CADM3: variants seen among roughly 807,000 people sequenced by gnomAD.
CADM3 encodes cell adhesion molecule 3.
In CADM3, 11 loss-of-function variants were observed where a neutral mutation model predicts 44.9. That is an observed-to-expected ratio of 0.25 (90% CI 0.15 to 0.41). The LOEUF (loss-of-function observed/expected upper bound fraction) is 0.41. CADM3 is among the 10% of genes least tolerant of loss of function. The pLI is 1.00. For missense variants in CADM3, 426 were observed against 512.0 expected, an observed-to-expected ratio of 0.83 and a Z score of 1.62; for synonymous variants, 207 against 205.2, an observed-to-expected ratio of 1.01 and a Z score of -0.08.
At chr1:159,181,093 T>C (rs1412566755) in intron 1 of CADM3, among the ~76,000 whole-genome samples, 1 of 152,182 alleles carries the variant, frequency 6.6e-6, no homozygotes, top group African/African-American at 2.4e-5. Flanking sequence ...ATTCCCAGTC[T>C]CTATTTTCCC....
At chr1:159,178,001 G>A (rs1649091153) in intron 1 of CADM3, among the ~76,000 whole-genome samples, 1 of 152,202 alleles carries the variant, frequency 6.6e-6, no homozygotes, top group Admixed American at 6.5e-5. Context: ...ACAAGTCCTT[G>A]ATATCAAATG....
chr1:159,196,338 C>T (rs538364397), intron 5 of CADM3, 26 bp from the exon 6 acceptor site: 10 of 1,584,938 alleles, frequency 6.3e-6, no homozygotes, highest in African/African-American at 1.3e-5. Context: ...GGGAGGTATT[C>T]ATTGATACCA....
In CADM3 at chr1:159,193,931, G is replaced by C; in HGVS notation, c.582G>C (p.Val194=). Residue 194 remains valine, a synonymous_variant, in exon 5 of 9, where the codon GTG becomes GTC. Transcript: ENST00000368125. ...AAACCTTCACTGTCAGCAGCTCGGT[G>C]ACATTCCAGGTTACCCGGGAGGATG... ...NGKTFTVSSS[V]TFQVTREDDG... is the part of the protein sequence containing the mutation. 6.2e-7 allele frequency: 1 copy of C among 1,614,232 alleles called. No individual in the cohort carries two copies. The highest frequency in any genetic ancestry group is 8.5e-7 in the Non-Finnish European group (1 of 1,180,038).
At chr1:159,193,368 G>A in intron 3 of CADM3, 55 bp from the exon 4 acceptor site, 1 of 1,534,726 alleles carries the variant, frequency 6.5e-7, no homozygotes, top group African/African-American at 1.4e-5. Context: ...GAGAGCAGAA[G>A]TGTGACCCCA....
At chr1:159,190,390 G>A (rs1649606045) in intron 1 of CADM3, among the ~76,000 whole-genome samples, 1 of 152,162 alleles carries the variant, frequency 6.6e-6, no homozygotes, top group Non-Finnish European at 1.5e-5. Flanking sequence ...TCAATGTAAA[G>A]GGCACCTTAT....
At chr1:159,189,901 GTCCCTCAGT>G (rs1346058337) in intron 1 of CADM3, 5 of 1,490,862 alleles carry the variant, frequency 3.4e-6, no homozygotes, top group Non-Finnish European at 2.8e-6. Flanking sequence ...TCATCTCAAT[GTCCCTCAGT>G]TCCCTCACTC....
At chr1:159,196,732 G>A (rs1328292448) in intron 6 of CADM3, 159 bp from the exon 7 acceptor site, 1 of 724,536 alleles carries the variant, frequency 1.4e-6, no homozygotes, top group South Asian at 2.0e-5. Context: ...AACCCCAAGA[G>A]GCCACCTGGC....
At chr1:159,191,632 A>G (rs1039756639) in intron 1 of CADM3, among the ~76,000 whole-genome samples, 2 of 152,208 alleles carry the variant, frequency 1.3e-5, no homozygotes, top group African/African-American at 4.8e-5. Context: ...GTGGAGTGGT[A>G]TGTGCAGATT....
intron 1 of CADM3, among the ~76,000 whole-genome samples, chr1:159,183,126 C>T (rs1325875988): frequency 2.6e-5 from 4 of 152,132 alleles, no homozygotes; most frequent in African/African-American, 9.7e-5. Context: ...AATAATAAAC[C>T]TGTTTGAGCC....
rs1192472495 is a variant in CADM3 at position 159,203,250 on chromosome 1, G to A, written c.*2328G>A. 2 of 152,256 alleles carry A rather than the reference G, an allele frequency of 1.3e-5. No individual in the cohort carries two copies. Among genetic ancestry groups the A allele is most frequent in the African/African-American group, 4.8e-5 (2 of 41,404 alleles). 9.4% of individuals were successfully genotyped at this position (152,256 alleles called of 1,614,324 possible). ...GGTGCCTGGTGCCTCAAAAGGTGGT[G>A]TGTCCCTTGCCAGGCCACTCTCAAG... On this transcript the variant is annotated 3_prime_UTR_variant, in exon 9 of 9. Transcript: ENST00000368125.
At position 159,178,763 on chromosome 1, in the gene CADM3, G is replaced by A. The variant is rs1435514060; in HGVS notation, c.88+6910G>A. 3.3e-5 allele frequency among the ~76,000 whole-genome samples: 5 copies of A among 152,174 alleles called. No individual in the cohort carries two copies. In the East Asian group the frequency reaches 5.8e-4, roughly 18 times the overall value. On this transcript the variant is annotated intron_variant, in intron 1 of 8. Coordinates refer to ENST00000368125, the MANE Select transcript of CADM3 (RefSeq NM_001127173.3). ...ATGATATCAAACGGCGTAGGGAGCTGAGAGTGCTCAGCCCGTCAGTCTTAG... is the reference window on the plus strand; with the variant it reads ...ATGATATCAAACGGCGTAGGGAGCTAAGAGTGCTCAGCCCGTCAGTCTTAG...
At position 159,196,864 on chromosome 1, in the gene CADM3, G is replaced by A. The variant is rs1002791274; in HGVS notation, c.783-27G>A. On this transcript the variant is annotated intron_variant, in intron 6 of 8. Coordinates refer to ENST00000368125, the MANE Select transcript of CADM3 (RefSeq NM_001127173.3). ...AGCTCCCTGGCCTATGCTCTCCTGA[G>A]CTCTTCTGATTTGTCTGCCTCGACA... 6 of 1,609,882 alleles carry A rather than the reference G, an allele frequency of 3.7e-6. No individual in the cohort carries two copies. The Admixed American group carries it at 6.7e-5, about 18-fold the overall frequency.
intron 5 of CADM3, 94 bp downstream of exon 5, chr1:159,194,134 A>G (rs1298895921): frequency 3.0e-6 from 4 of 1,329,558 alleles, no homozygotes; most frequent in Non-Finnish European, 4.2e-6. Flanking sequence ...AACAACACGC[A>G]CAGTTAAGTG....
chr1:159,193,246 C>T (rs1157146421), intron 3 of CADM3, among the ~76,000 whole-genome samples, 177 bp from the exon 4 acceptor site: 1 of 152,212 alleles, frequency 6.6e-6, no homozygotes, highest in African/African-American at 2.4e-5. Context: ...TCCCGCAGGC[C>T]TTCCTTTCTG....
rs1649934274 is a variant in CADM3 at position 159,197,065 on chromosome 1, G to A, written c.952+5G>A. ...ACTACACCCTCAATGTTAATGGTAA[G>A]CCCTCCTCAGTTCTCTTCCTCCAGA... is the stretch of plus-strand genomic sequence containing the variant. On this transcript the variant is annotated splice_donor_5th_base_variant and intron_variant, in intron 7 of 8. Coordinates refer to ENST00000368125, the MANE Select transcript of CADM3 (RefSeq NM_001127173.3). The A allele has an allele frequency of 6.2e-7, 1 of 1,613,426 alleles. No individual in the cohort carries two copies. Among genetic ancestry groups the A allele is most frequent in the Non-Finnish European group, 8.5e-7 (1 of 1,179,458 alleles).
intron 1 of CADM3, among the ~76,000 whole-genome samples, chr1:159,182,037 T>C (rs1006122837): frequency 6.0e-5 from 9 of 150,838 alleles, no homozygotes; most frequent in Admixed American, 2.6e-4. Context: ...ACCTTGCAGA[T>C]GCCAGCAAGC....
intron 5 of CADM3, 90 bp from the exon 6 acceptor site, chr1:159,196,274 T>G: frequency 1.1e-6 from 1 of 945,676 alleles, no homozygotes; most frequent in Admixed American, 2.0e-5. Context: ...CGGAAACATT[T>G]AGAGGTAGAA....
chr1:159,189,803 A>T lies in CADM3; in HGVS notation c.89-2133A>T, dbSNP rs1377139705. ...GCAGGAGCAGGATTTGGAGCTGGGAACTCTGGCTCCACTCGACGAGGCCAT... is the reference window on the plus strand; with the variant it reads ...GCAGGAGCAGGATTTGGAGCTGGGATCTCTGGCTCCACTCGACGAGGCCAT... On this transcript the variant is annotated intron_variant, in intron 1 of 8. Coordinates refer to ENST00000368125, the MANE Select transcript of CADM3 (RefSeq NM_001127173.3). The T allele has an allele frequency of 6.2e-7, 1 of 1,607,204 alleles. No individual in the cohort carries two copies. Among genetic ancestry groups the T allele is most frequent in the African/African-American group, 1.3e-5 (1 of 74,654 alleles).
chr1:159,197,780 T>G (rs1649967487), intron 7 of CADM3: 1 of 152,140 alleles, frequency 6.6e-6, no homozygotes, highest in Non-Finnish European at 1.5e-5. Context: ...GGAAATGCAT[T>G]GTCGGGGAAA....
Sources: allele counts gnomAD v4.1 joint callset (sites outside exome capture counted in the v4.1 genomes callset), GRCh38; gene constraint gnomAD v4.1.1; transcripts MANE v1.5; gene names NCBI Gene and HGNC (gene_info 2026-07-23, HGNC 2026-07-21).